The following RAD51B variants were observed in gnomAD, a reference collection of about 807,000 sequenced individuals.
RAD51B encodes RAD51 paralog B.
In RAD51B, 38 loss-of-function variants were observed where a neutral mutation model predicts 42.2. The observed-to-expected ratio is 0.90, with a 90% CI of 0.70 to 1.18. The LOEUF (loss-of-function observed/expected upper bound fraction) is 1.18, where lower values mean the gene tolerates loss of function less well. Ranked by LOEUF, RAD51B falls within the 50% of genes most tolerant of loss-of-function variation. The pLI, the probability that RAD51B is intolerant of heterozygous loss-of-function variation, is 0.00. For missense variants in RAD51B, 373 were observed against 400.7 expected (o/e 0.93, Z 0.59); for synonymous variants, 154 against 145.2 (o/e 1.06, Z -0.43).
intron 7 of RAD51B, among the ~76,000 whole-genome samples, chr14:67,999,357 C>A (rs924676318): frequency 6.6e-6 from 1 of 152,114 alleles, no homozygotes; most frequent in Non-Finnish European, 1.5e-5. Flanking sequence ...TCAGGCAGCA[C>A]TAGAGTGCTA....
intron 7 of RAD51B, among the ~76,000 whole-genome samples, chr14:68,029,377 A>G (rs1286421571): frequency 6.6e-6 from 1 of 152,144 alleles, no homozygotes; most frequent in Non-Finnish European, 1.5e-5. Context: ...AATATTCTAA[A>G]TCTTTTGTTG....
chr14:68,025,323 T>C (rs939830972), intron 7 of RAD51B, among the ~76,000 whole-genome samples: 1 of 152,086 alleles, frequency 6.6e-6, no homozygotes, highest in African/African-American at 2.4e-5. Context: ...ATTATGTCTC[T>C]GCTAGATTCT....
chr14:68,622,754 C>T (rs967641823), intron 10 of RAD51B, among the ~76,000 whole-genome samples: 2 of 148,354 alleles, frequency 1.3e-5, no homozygotes, highest in Non-Finnish European at 3.0e-5. Context: ...CTGGATGTCA[C>T]GATTCCTCCT....
intron 5 of RAD51B, among the ~76,000 whole-genome samples, chr14:67,881,853 T>C (rs1388381336): frequency 6.6e-6 from 1 of 152,254 alleles, no homozygotes; most frequent in East Asian, 1.9e-4. Flanking sequence ...GAGTTCACTC[T>C]ATCCAGGCTT....
At chr14:68,296,165 T>C (rs2081610013) in intron 8 of RAD51B, among the ~76,000 whole-genome samples, 1 of 152,204 alleles carries the variant, frequency 6.6e-6, no homozygotes, top group South Asian at 2.1e-4. Context: ...ATTGGGTGAA[T>C]GTTTCTGATC....
chr14:68,000,360 A>C (rs1309963322), intron 7 of RAD51B: 1 of 152,118 alleles, frequency 6.6e-6, no homozygotes. Flanking sequence ...TTGATTTCCT[A>C]GGTTTTCCAA....
intron 10 of RAD51B, among the ~76,000 whole-genome samples, chr14:68,475,652 C>G (rs767772446): frequency 6.7e-6 from 1 of 149,912 alleles, no homozygotes; most frequent in South Asian, 2.1e-4. Flanking sequence ...AGACCAAACA[C>G]TTTTTTTTTT....
At chr14:68,428,748 T>C (rs1157331802) in intron 9 of RAD51B, among the ~76,000 whole-genome samples, 21 of 62,502 alleles carry the variant, frequency 3.4e-4, no homozygotes, top group Admixed American at 1.7e-3. Context: ...TATATATATA[T>C]ATATATATAT....
intron 7 of RAD51B, among the ~76,000 whole-genome samples, chr14:68,246,688 A>G (rs1204700675): frequency 6.6e-6 from 1 of 152,188 alleles, no homozygotes; most frequent in Non-Finnish European, 1.5e-5. Flanking sequence ...GTTTTTTGCT[A>G]TACTCCTGAG....
At chr14:68,488,342 T>C (rs1883801211) in intron 10 of RAD51B, among the ~76,000 whole-genome samples, 1 of 151,700 alleles carries the variant, frequency 6.6e-6, no homozygotes, top group South Asian at 2.1e-4. Context: ...GAGCCTACCG[T>C]ATATAAAGGG....
At chr14:67,900,901 C>T (rs894708823) in intron 7 of RAD51B, among the ~76,000 whole-genome samples, 2 of 152,014 alleles carry the variant, frequency 1.3e-5, no homozygotes, top group Non-Finnish European at 2.9e-5. Flanking sequence ...TGGGATTGAC[C>T]TGCCTGCTAA....
chr14:68,178,392 ATCCTTCCCCCATGTC>A (rs1329981210), intron 7 of RAD51B, among the ~76,000 whole-genome samples: 5 of 152,006 alleles, frequency 3.3e-5, no homozygotes, highest in African/African-American at 9.7e-5. Flanking sequence ...TTTTTCTGTC[ATCCTTCCCCCATGTC>A]TCTACTCTTC....
chr14:68,153,863 G>T (rs2078442514), intron 7 of RAD51B, among the ~76,000 whole-genome samples: 1 of 152,114 alleles, frequency 6.6e-6, no homozygotes, highest in Non-Finnish European at 1.5e-5. Context: ...ACACTATGAG[G>T]TTAGTGTATC....
At chr14:68,152,585 T>C (rs1478494228) in intron 7 of RAD51B, among the ~76,000 whole-genome samples, 1 of 152,220 alleles carries the variant, frequency 6.6e-6, no homozygotes, top group Admixed American at 6.5e-5. Context: ...CTTTTTTAAC[T>C]TAACAAATTG....
chr14:68,195,977 G>C (rs2079364366), intron 7 of RAD51B, among the ~76,000 whole-genome samples: 1 of 150,784 alleles, frequency 6.6e-6, no homozygotes, highest in Non-Finnish European at 1.5e-5. Context: ...CCAGCACTTT[G>C]GGTGGATCAC....
chr14:68,242,199 A>C (rs1302559180), intron 7 of RAD51B, among the ~76,000 whole-genome samples: 1 of 152,116 alleles, frequency 6.6e-6, no homozygotes, highest in Non-Finnish European at 1.5e-5. Flanking sequence ...TGTTTTCTTC[A>C]CTTTAGACTT....
chr14:68,237,698 G>T (rs1270186233), intron 7 of RAD51B, among the ~76,000 whole-genome samples: 1 of 149,546 alleles, frequency 6.7e-6, no homozygotes, highest in Non-Finnish European at 1.5e-5. Flanking sequence ...ACATTTACAT[G>T]CAGTGTTTTA....
At chr14:68,649,173 A>G (rs1000959216) in intron 10 of RAD51B, among the ~76,000 whole-genome samples, 1 of 152,202 alleles carries the variant, frequency 6.6e-6, no homozygotes, top group Non-Finnish European at 1.5e-5. Context: ...CCCAGCTCCA[A>G]GCTCCGAGCT....
At chr14:68,571,087 A>AG (rs1566941320) in intron 10 of RAD51B, among the ~76,000 whole-genome samples, 1 of 152,168 alleles carries the variant, frequency 6.6e-6, no homozygotes, top group Non-Finnish European at 1.5e-5. Flanking sequence ...GAATTGGCAG[A>AG]GGGGGGAGGC....
Sources: allele counts gnomAD v4.1 joint callset (sites outside exome capture counted in the v4.1 genomes callset), GRCh38; gene constraint gnomAD v4.1.1; transcripts MANE v1.5; gene names NCBI Gene and HGNC (gene_info 2026-07-23, HGNC 2026-07-21).